SHANK2: variants seen among roughly 807,000 people sequenced by gnomAD.
SHANK2 encodes SH3 and multiple ankyrin repeat domains 2, also known as SH3 and multiple ankyrin repeat domains protein 2.
Under a neutral mutation model 133.7 loss-of-function variants are expected in SHANK2, and 43 were observed. That is an observed-to-expected ratio of 0.32 (90% CI 0.25 to 0.41). The LOEUF is 0.41. Ranked by LOEUF, SHANK2 falls within the 10% of genes least tolerant of loss-of-function variation. The pLI, the probability that SHANK2 is intolerant of heterozygous loss-of-function variation, is 1.00. For synonymous variants in SHANK2, 1,017 were observed against 952.8 expected, an observed-to-expected ratio of 1.07 and a Z score of -1.24; for missense variants, 1,994 against 2,235.8, an observed-to-expected ratio of 0.89 and a Z score of 2.18.
chr11:70,667,456 C>T (rs1944699052), intron 15 of SHANK2, among the ~76,000 whole-genome samples: 1 of 152,186 alleles, frequency 6.6e-6, no homozygotes, highest in African/African-American at 2.4e-5. Context: ...CCAGAGGTCT[C>T]TCCCCGCTGG....
chr11:70,540,246 C>A (rs375377774), intron 17 of SHANK2, among the ~76,000 whole-genome samples: 1 of 152,218 alleles, frequency 6.6e-6, no homozygotes, highest in East Asian at 1.9e-4. Context: ...ATGCCTCCCC[C>A]AGGCCAGTGT....
chr11:70,569,586 G>A lies in SHANK2; in HGVS notation c.2062-66655C>T, dbSNP rs1481855832. ...TCTCCTTTCTGTGGCCCCTCCCCAC[G>A]TGGAGGATACCGAGGAGGTTAGGAC... On this transcript the variant is annotated intron_variant, in intron 17 of 25. Transcript: ENST00000601538. The surrounding 1 kb of genome is among the most constrained non-coding windows in gnomAD (Gnocchi z 5.1). Among the ~76,000 whole-genome samples, 3 of 152,126 alleles carry A rather than the reference G, an allele frequency of 2.0e-5. No homozygotes were observed. The highest frequency in any genetic ancestry group is 4.4e-5 in the Non-Finnish European group (3 of 68,016).
rs566390074 is a variant in SHANK2 at position 70,915,734 on chromosome 11, G to A, written c.1108-19167C>T. On this transcript the variant is annotated intron_variant, in intron 10 of 25. Coordinates refer to ENST00000601538, the MANE Select transcript of SHANK2 (RefSeq NM_012309.5). ...CTCGCGGGACGGACGGGATGATGGAGGGGCTGTGGCTATGAGAAAGGGGAC... is the reference window on the plus strand; with the variant it reads ...CTCGCGGGACGGACGGGATGATGGAAGGGCTGTGGCTATGAGAAAGGGGAC... Among the ~76,000 whole-genome samples the A allele has an allele frequency of 5.3e-5, 8 of 152,340 alleles. No homozygotes were observed. In the South Asian group the frequency reaches 1.4e-3, roughly 28 times the overall value.
intron 2 of SHANK2, among the ~76,000 whole-genome samples, chr11:71,224,136 T>C (rs981790978): frequency 7.9e-5 from 12 of 152,346 alleles, no homozygotes; most frequent in East Asian, 3.9e-4. Flanking sequence ...ACTTTCTGCA[T>C]GGAGCTGGTG....
intron 17 of SHANK2, among the ~76,000 whole-genome samples, chr11:70,570,410 C>G (rs553358613): frequency 6.6e-6 from 1 of 152,200 alleles, no homozygotes; most frequent in Non-Finnish European, 1.5e-5. Context: ...CTGTCTGGCT[C>G]TCTTTAGGAG....
intron 15 of SHANK2, among the ~76,000 whole-genome samples, chr11:70,695,524 A>G (rs1317380646): frequency 6.6e-6 from 1 of 152,180 alleles, no homozygotes; most frequent in African/African-American, 2.4e-5. Flanking sequence ...CACAAGAAAC[A>G]CTGGCCCTCC....
chr11:71,091,386 G>C lies in SHANK2; in HGVS notation c.912+1036C>G, dbSNP rs141516542. Among the ~76,000 whole-genome samples, 101 of 152,306 alleles carry C rather than the reference G, an allele frequency of 6.6e-4. 1 individual carries two copies. Among genetic ancestry groups the C allele is most frequent in the African/African-American group, 2.3e-3 (95 of 41,574 alleles). On this transcript the variant is annotated intron_variant, in intron 8 of 25. Coordinates refer to ENST00000601538, the MANE Select transcript of SHANK2 (RefSeq NM_012309.5). ...TGCTGGCACCCCCACTGCCCAGTCT[G>C]ACCACAGTGGGCAGAGTGCATAACC...
At chr11:70,654,346 T>C (rs1181341377) in intron 17 of SHANK2, 1 of 152,218 alleles carries the variant, frequency 6.6e-6, no homozygotes, top group Non-Finnish European at 1.5e-5. Flanking sequence ...CTCTGTGAGA[T>C]AACTTTCTTC....
chr11:70,939,301 C>T (rs991633436), intron 10 of SHANK2, among the ~76,000 whole-genome samples: 17 of 151,930 alleles, frequency 1.1e-4, no homozygotes, highest in Admixed American at 5.9e-4. Flanking sequence ...ATGGTGAAAC[C>T]CCATCTCTAT....
At chr11:71,086,429 ATATT>A (rs1292330030) in intron 8 of SHANK2, among the ~76,000 whole-genome samples, 4 of 130,216 alleles carry the variant, frequency 3.1e-5, no homozygotes, top group Non-Finnish European at 6.3e-5. Context: ...TACATATTAT[ATATT>A]TATAATTTAT....
At chr11:70,679,722 G>C in intron 15 of SHANK2, among the ~76,000 whole-genome samples, 1 of 152,236 alleles carries the variant, frequency 6.6e-6, no homozygotes, top group Non-Finnish European at 1.5e-5. Flanking sequence ...GCGCATTTTG[G>C]GGTATCATGA....
chr11:70,537,504 G>A (rs1004049702), intron 17 of SHANK2, among the ~76,000 whole-genome samples: 2 of 152,250 alleles, frequency 1.3e-5, no homozygotes, highest in Non-Finnish European at 2.9e-5. Context: ...GCCAAGGAAC[G>A]CTGGGAGCCC....
intron 17 of SHANK2, among the ~76,000 whole-genome samples, chr11:70,510,642 C>A (rs1346825546): frequency 1.3e-5 from 2 of 152,196 alleles, no homozygotes; most frequent in Admixed American, 6.5e-5. Context: ...GCTGGGGGAA[C>A]CTGTCTGCAG....
intron 6 of SHANK2, among the ~76,000 whole-genome samples, chr11:71,104,968 A>G (rs782353291): frequency 3.3e-5 from 5 of 152,202 alleles, no homozygotes; most frequent in Non-Finnish European, 7.3e-5. Context: ...TTTTGGCCTT[A>G]CAAAAAAATG....
chr11:70,716,270 G>A (rs1555027250), intron 14 of SHANK2, among the ~76,000 whole-genome samples: 1 of 152,038 alleles, frequency 6.6e-6, no homozygotes, highest in African/African-American at 2.4e-5. Flanking sequence ...GCCAGGCTTT[G>A]TTACCCCCAA....
At chr11:70,672,540 C>A (rs782375628) in intron 15 of SHANK2, among the ~76,000 whole-genome samples, 1 of 152,260 alleles carries the variant, frequency 6.6e-6, no homozygotes, top group Non-Finnish European at 1.5e-5. Context: ...CTGTGCAATT[C>A]TCAGGACACT....
intron 11 of SHANK2, among the ~76,000 whole-genome samples, chr11:70,846,577 G>A (rs1949000546): frequency 6.6e-6 from 1 of 152,178 alleles, no homozygotes; most frequent in African/African-American, 2.4e-5. Flanking sequence ...TCAATAACAA[G>A]GATGACACTG....
chr11:70,540,374 G>GC (rs58012567), intron 17 of SHANK2, among the ~76,000 whole-genome samples: 73,753 of 151,602 alleles, frequency 0.49, 18,979 homozygotes, highest in East Asian at 0.81. Flanking sequence ...GCAGGCTGGG[G>GC]CCCCTCCCTC....
chr11:70,753,956 C>T (rs782160434), intron 14 of SHANK2, among the ~76,000 whole-genome samples: 33 of 152,250 alleles, frequency 2.2e-4, no homozygotes, highest in South Asian at 6.2e-4. Flanking sequence ...AGATTACAGG[C>T]GTGCACCACC....
Sources: gnomAD v4.1 joint callset for allele counts (sites outside exome capture counted in the v4.1 genomes callset) on GRCh38, gnomAD v4.1.1 for gene constraint, Gnocchi (gnomAD v3.1) non-coding constraint, MANE v1.5 for transcripts, NCBI Gene and HGNC (gene_info 2026-07-23, HGNC 2026-07-21) for gene names.